NKAIN3: variants seen among roughly 807,000 people sequenced by gnomAD.
NKAIN3 encodes the protein sodium/potassium-transporting ATPase subunit beta-1-interacting protein 3.
A neutral mutation model predicts 30.2 loss-of-function variants in NKAIN3; 25 were observed. The ratio of observed to expected loss-of-function variants is 0.83; its 90% CI spans 0.60 to 1.16. NKAIN3 has a LOEUF of 1.16. Among genes scored for constraint, NKAIN3 ranks in the 50% most tolerant of loss-of-function variants. The probability of loss-of-function intolerance (pLI) is 0.00; values close to 1 mark genes in which losing one functional copy is unlikely to be tolerated. For missense variants in NKAIN3, 225 were observed against 254.1 expected, an observed-to-expected ratio of 0.89 and a Z score of 0.78; for synonymous variants, 91 against 89.6, an observed-to-expected ratio of 1.02 and a Z score of -0.09.
intron 1 of NKAIN3, among the ~76,000 whole-genome samples, chr8:62,279,648 T>A (rs988375639): frequency 5.9e-5 from 9 of 152,190 alleles, no homozygotes; most frequent in Non-Finnish European, 1.3e-4. Context: ...CCCCATTTCT[T>A]GTTTTTCTCA....
At chr8:62,320,201 C>T (rs1814823952) in intron 1 of NKAIN3, among the ~76,000 whole-genome samples, 1 of 152,138 alleles carries the variant, frequency 6.6e-6, no homozygotes, top group Non-Finnish European at 1.5e-5. Flanking sequence ...CTTCCTCCAT[C>T]CCTTTATTTT....
chr8:62,287,214 G>C (rs1813408248), intron 1 of NKAIN3, among the ~76,000 whole-genome samples: 1 of 151,878 alleles, frequency 6.6e-6, no homozygotes, highest in East Asian at 2.0e-4. Context: ...ATTAGTCTCT[G>C]GTTCTGATTT....
intron 1 of NKAIN3, among the ~76,000 whole-genome samples, chr8:62,471,648 G>A (rs2129600047): frequency 6.6e-6 from 1 of 152,174 alleles, no homozygotes; most frequent in South Asian, 2.1e-4. Flanking sequence ...AAACTAAATG[G>A]CACTTTCTAC....
chr8:62,950,238 C>G (rs1048448510), intron 5 of NKAIN3, among the ~76,000 whole-genome samples: 1 of 152,150 alleles, frequency 6.6e-6, no homozygotes, highest in Non-Finnish European at 1.5e-5. Flanking sequence ...CTTTAAGAAT[C>G]TGTAAACTCG....
intron 2 of NKAIN3, among the ~76,000 whole-genome samples, chr8:62,585,761 G>A (rs190176292): frequency 4.6e-5 from 7 of 152,222 alleles, no homozygotes; most frequent in South Asian, 2.1e-4. Context: ...TCTGTCTTGC[G>A]TTTTGAATGG....
chr8:62,679,307 C>A (rs1813577646), intron 3 of NKAIN3, among the ~76,000 whole-genome samples: 1 of 149,900 alleles, frequency 6.7e-6, no homozygotes, highest in Admixed American at 6.6e-5. Flanking sequence ...GCCTAGGGGA[C>A]ACATCCAGAG....
At chr8:62,686,669 T>G (rs1387880845) in intron 3 of NKAIN3, among the ~76,000 whole-genome samples, 1 of 152,184 alleles carries the variant, frequency 6.6e-6, no homozygotes, top group African/African-American at 2.4e-5. Flanking sequence ...TTTTTTCATT[T>G]CGAGTCCATC....
chr8:62,280,543 C>G (rs187002505), intron 1 of NKAIN3, among the ~76,000 whole-genome samples: 4 of 152,068 alleles, frequency 2.6e-5, no homozygotes, highest in South Asian at 2.1e-4. Flanking sequence ...TTTTGAGATA[C>G]GTCCCAGCGA....
intron 1 of NKAIN3, among the ~76,000 whole-genome samples, chr8:62,455,787 G>A (rs537972330): frequency 6.6e-6 from 1 of 152,296 alleles, no homozygotes; most frequent in Admixed American, 6.5e-5. Flanking sequence ...TTGCAAGCTT[G>A]TTAGCCTCAA....
intron 4 of NKAIN3, among the ~76,000 whole-genome samples, chr8:62,797,299 T>C (rs1335848718): frequency 1.3e-5 from 2 of 152,188 alleles, no homozygotes; most frequent in East Asian, 1.9e-4. Flanking sequence ...AAATAACAAA[T>C]GGTAGAAATC....
At chr8:62,415,185 CA>C (rs1404801548) in intron 1 of NKAIN3, among the ~76,000 whole-genome samples, 2 of 136,980 alleles carry the variant, frequency 1.5e-5, no homozygotes, top group Admixed American at 1.6e-4. Context: ...TATTATATTA[CA>C]ATATACTATA....
chr8:62,338,018 G>A (rs1381399546), intron 1 of NKAIN3, among the ~76,000 whole-genome samples: 1 of 151,900 alleles, frequency 6.6e-6, no homozygotes, highest in African/African-American at 2.4e-5. Context: ...TTTCTCAGTG[G>A]CTTCTTTGAT....
Position 62,956,461 on chromosome 8 carries a change from C to T in NKAIN3, c.603+2489C>T, listed in dbSNP as rs183978424. ...GCCAACAGCTCATTCCTAGGTAATA[C>T]TGCAGAATTGTACAGGAAGCCTTAA... On this transcript the variant is annotated intron_variant, in intron 6 of 6. Transcript: ENST00000623646. Among the ~76,000 whole-genome samples the T allele has an allele frequency of 2.8e-4, 43 of 152,282 alleles. 1 individual carries two copies. In the East Asian group the frequency reaches 4.5e-3, roughly 16 times the overall value.
intron 4 of NKAIN3, among the ~76,000 whole-genome samples, chr8:62,843,128 A>C (rs1377354431): frequency 1.3e-5 from 2 of 151,856 alleles, no homozygotes; most frequent in East Asian, 3.9e-4. Context: ...AGGCAGTAGA[A>C]TGAGTGGGTC....
intron 1 of NKAIN3, among the ~76,000 whole-genome samples, chr8:62,334,210 A>C (rs1489706599): frequency 6.6e-6 from 1 of 150,548 alleles, no homozygotes; most frequent in Non-Finnish European, 1.5e-5. Flanking sequence ...AGGTCCACAA[A>C]TCAAGTTGCT....
intron 3 of NKAIN3, among the ~76,000 whole-genome samples, chr8:62,603,081 C>T (rs72651572): frequency 0.039 from 5,993 of 152,072 alleles, 181 homozygotes; most frequent in Non-Finnish European, 0.066. Flanking sequence ...TTCATGCAGT[C>T]GATTGAAGAT....
At chr8:62,688,063 C>G (rs1813851943) in intron 3 of NKAIN3, among the ~76,000 whole-genome samples, 1 of 152,242 alleles carries the variant, frequency 6.6e-6, no homozygotes, top group Admixed American at 6.5e-5. Flanking sequence ...AATTCAACCT[C>G]TTTTCCTATC....
intron 1 of NKAIN3, among the ~76,000 whole-genome samples, chr8:62,479,266 C>T (rs2129600652): frequency 6.6e-6 from 1 of 152,214 alleles, no homozygotes; most frequent in African/African-American, 2.4e-5. Flanking sequence ...TTATTAAGCA[C>T]CTCTTATATC....
chr8:62,754,777 G>A (rs1173149682), intron 4 of NKAIN3, among the ~76,000 whole-genome samples: 2 of 152,206 alleles, frequency 1.3e-5, no homozygotes, highest in East Asian at 3.9e-4. Context: ...AGACCACAAG[G>A]TATCCTGTAG....
Sources: allele counts gnomAD v4.1 joint callset (sites outside exome capture counted in the v4.1 genomes callset), GRCh38; gene constraint gnomAD v4.1.1; transcripts MANE v1.5; gene names NCBI Gene and HGNC (gene_info 2026-07-23, HGNC 2026-07-21).